ELMOD3: variants seen among roughly 807,000 people sequenced by gnomAD.
ELMOD3 encodes the protein ELMO domain-containing protein 3.
A neutral mutation model predicts 47.4 loss-of-function variants in ELMOD3; 36 were observed. The ratio of observed to expected loss-of-function variants is 0.76; its 90% CI spans 0.58 to 1.00. ELMOD3 has a LOEUF of 1.00. Ranked by LOEUF, ELMOD3 falls within the 50% of genes least tolerant of loss-of-function variation. The probability of loss-of-function intolerance (pLI) is 0.00; values close to 1 mark genes in which losing one functional copy is unlikely to be tolerated. For missense variants in ELMOD3, 404 were observed against 463.8 expected (o/e 0.87, Z 1.18); for synonymous variants, 149 against 183.5 (o/e 0.81, Z 1.52).
intron 3 of ELMOD3, 53 bp from the exon 4 acceptor site, chr2:85,356,914 C>T: frequency 4.2e-6 from 1 of 239,544 alleles, no homozygotes; most frequent in Admixed American, 5.5e-5. Flanking sequence ...AGAGGCATAA[C>T]TGAATGGTGA....
intron 11 of ELMOD3, among the ~76,000 whole-genome samples, chr2:85,379,024 A>G (rs1020874129): frequency 2.0e-5 from 3 of 152,196 alleles, no homozygotes; most frequent in African/African-American, 7.2e-5. Flanking sequence ...AAGTCTATAC[A>G]TCAGTAGGCA....
In ELMOD3 at chr2:85,369,789, G is replaced by A. The variant is rs368160223; in HGVS notation, c.319G>A (p.Ala107Thr). 1.6e-5 allele frequency: 26 copies of A among 1,614,020 alleles called. No homozygotes were observed. The highest frequency in any genetic ancestry group is 2.1e-5 in the Non-Finnish European group (25 of 1,180,008). The change falls in exon 8 of 14, where the codon GCC becomes ACC. Residue 107 changes from alanine (A) to threonine (T), a missense_variant. Ala to Thr is a moderately conservative substitution (Grantham distance 58, BLOSUM62 0). Transcript: ENST00000409013. ...QPGQLISFSE[A>T]LQHFQTVDLS... Reference sequence around the variant, plus strand: ...TGGGCAGCTAATCTCCTTCAGTGAGGCCCTGCAGCACTTCCAGACTGTGGA... The same window carrying A: ...TGGGCAGCTAATCTCCTTCAGTGAGACCCTGCAGCACTTCCAGACTGTGGA...
intron 11 of ELMOD3, among the ~76,000 whole-genome samples, chr2:85,380,299 G>A (rs1685452091): frequency 6.6e-6 from 1 of 152,174 alleles, no homozygotes; most frequent in Non-Finnish European, 1.5e-5. Flanking sequence ...CAAAAGAGAA[G>A]TTTGAAGACT....
At chr2:85,389,290 G>T (rs915570558) in intron 11 of ELMOD3, among the ~76,000 whole-genome samples, 1 of 152,186 alleles carries the variant, frequency 6.6e-6, no homozygotes, top group Admixed American at 6.5e-5. Flanking sequence ...AGGTGCTCAC[G>T]ATCAGCCAGA....
At position 85,390,958 on chromosome 2, in the gene ELMOD3, TC is replaced by T; in HGVS notation, c.1143del (p.Ter382AspfsTer11). ...CACTCATCCGAAGGCGTATGGCTGA[TC>T]TGACCTCCGAGATGAATGGAGGCTT... The part of the protein sequence containing the change: ...QSHSSEGVWL[I>X] On this transcript the variant is annotated frameshift_variant, in exon 14 of 14. Transcript: ENST00000409013. LOFTEE classifies it high-confidence loss of function. The T allele has an allele frequency of 6.5e-7, 1 of 1,548,874 alleles. No individual in the cohort carries two copies. Among genetic ancestry groups the T allele is most frequent in the South Asian group, 1.2e-5 (1 of 83,986 alleles).
rs944134495 is a variant in ELMOD3, at chr2:85,376,821, A to T, written c.608-523A>T. The T allele has an allele frequency of 3.3e-5, 5 of 152,152 alleles. No homozygotes were observed. Among genetic ancestry groups the T allele is most frequent in the African/African-American group, 9.7e-5 (4 of 41,416 alleles). The allele number at this position is 152,152 out of a possible 1,614,324, so 9.4% of individuals were successfully genotyped here. ...GGCTTTTTGGTCTGCTCCCATTGGC[A>T]TTTCTGGGTTGCTGTCTTCTCCATC... is the stretch of plus-strand genomic sequence containing the variant. On this transcript the variant is annotated intron_variant, in intron 10 of 13. Coordinates refer to ENST00000409013, the MANE Select transcript of ELMOD3 (RefSeq NM_001135022.2). This position sits in a 1 kb window ranked among gnomAD's most constrained non-coding sequence, Gnocchi z 4.2.
intron 6 of ELMOD3, among the ~76,000 whole-genome samples, chr2:85,364,273 A>G (rs1684192918): frequency 6.6e-6 from 1 of 151,752 alleles, no homozygotes. Context: ...ACCACCAGGC[A>G]TAGCTAATTT....
rs148943018 is a variant in ELMOD3, at chr2:85,371,537, C to T, written c.582C>T (p.Asn194=). The stretch of plus-strand genomic sequence containing the variant: ...AGTTTGACTGTGCCCTTCATGGAAA[C>T]CACTGGGAGGACCTGGGCTTTCAGG... ...GSKFDCALHG[N]HWEDLGFQGA... Residue 194 remains asparagine (N), a synonymous_variant, in exon 10 of 14, where the codon AAC becomes AAT. Coordinates refer to ENST00000409013, the MANE Select transcript of ELMOD3 (RefSeq NM_001135022.2). 2.0e-5 allele frequency: 33 copies of T among 1,614,072 alleles called. No individual in the cohort carries two copies. The highest frequency in any genetic ancestry group is 2.4e-5 in the Non-Finnish European group (28 of 1,180,040).
At chr2:85,388,727 T>G (rs1019107492) in intron 11 of ELMOD3, among the ~76,000 whole-genome samples, 1 of 152,254 alleles carries the variant, frequency 6.6e-6, no homozygotes, top group Non-Finnish European at 1.5e-5. Flanking sequence ...TACTGAGCAC[T>G]GGAAATGTGG....
rs1684108733 is a variant in ELMOD3 at position 85,363,175 on chromosome 2, C to T, written c.199+9C>T. ...TGAATGGGAGCCACGTGGTAAGGTT[C>T]CCTTCAGGGCCCTTGGAGTCTGGGT... On this transcript the variant is annotated intron_variant, in intron 6 of 13. Coordinates refer to ENST00000409013, the MANE Select transcript of ELMOD3 (RefSeq NM_001135022.2). 6.4e-7 allele frequency: 1 copy of T among 1,566,626 alleles called. No homozygotes were observed. Among genetic ancestry groups the T allele is most frequent in the Non-Finnish European group, 8.8e-7 (1 of 1,137,554 alleles).
At chr2:85,383,548 T>G (rs556018139) in intron 11 of ELMOD3, among the ~76,000 whole-genome samples, 3 of 152,106 alleles carry the variant, frequency 2.0e-5, no homozygotes, top group Non-Finnish European at 2.9e-5. Context: ...GGTCTTGAAC[T>G]CCTTACCTCA....
rs1023285716 is a variant in ELMOD3 at position 85,376,650 on chromosome 2, C to A, written c.608-694C>A. Among the ~76,000 whole-genome samples, 5 of 152,186 alleles carry A rather than the reference C, an allele frequency of 3.3e-5. No individual in the cohort carries two copies. The highest frequency in any genetic ancestry group is 7.4e-5 in the Non-Finnish European group (5 of 68,020). ...AGGATGGAAGTCTAGGGTCCCTGCT[C>A]AGCCTTTTCTGGAGAAGAGTGGGGA... On this transcript the variant is annotated intron_variant, in intron 10 of 13. Transcript: ENST00000409013. This position sits in a 1 kb window ranked among gnomAD's most constrained non-coding sequence, Gnocchi z 4.2.
At chr2:85,389,889 G>A in intron 12 of ELMOD3, 62 bp downstream of exon 12, 1 of 1,494,602 alleles carries the variant, frequency 6.7e-7, no homozygotes, top group Non-Finnish European at 9.3e-7. Flanking sequence ...TCCCCACTCT[G>A]GCTTAATTTT....
chr2:85,358,765 T>C (rs1683736277), intron 4 of ELMOD3, among the ~76,000 whole-genome samples: 1 of 151,580 alleles, frequency 6.6e-6, no homozygotes, highest in Admixed American at 6.6e-5. Flanking sequence ...ATTCACATGG[T>C]TCAAAATGCA....
chr2:85,386,872 G>A (rs555087094), intron 11 of ELMOD3, among the ~76,000 whole-genome samples: 22 of 152,266 alleles, frequency 1.4e-4, no homozygotes, highest in Non-Finnish European at 2.8e-4. Flanking sequence ...GCATGGTGGT[G>A]CATGCCTGTA....
chr2:85,372,335 C>T (rs1684855731), intron 10 of ELMOD3: 1 of 151,692 alleles, frequency 6.6e-6, no homozygotes, highest in South Asian at 2.1e-4. Context: ...GGGAGACTGT[C>T]TCAGAAAAAA....
At chr2:85,390,375 CTT>C (rs764130954) in intron 13 of ELMOD3, 110 bp downstream of exon 13, 2 of 1,614,186 alleles carry the variant, frequency 1.2e-6, no homozygotes, top group East Asian at 2.2e-5. Flanking sequence ...CCCATCCACA[CTT>C]TCTCAAATTC....
intron 11 of ELMOD3, chr2:85,389,421 G>C (rs1040488872): frequency 1.7e-5 from 6 of 351,448 alleles, no homozygotes; most frequent in Non-Finnish European, 3.2e-5. Context: ...CCCAGGGGTT[G>C]GGTCTGCTGC....
chr2:85,369,648 G>A (rs1684645673), intron 7 of ELMOD3, 91 bp from the exon 8 acceptor site: 2 of 1,354,420 alleles, frequency 1.5e-6, no homozygotes, highest in Non-Finnish European at 2.1e-6. Context: ...GCCAGTGCTT[G>A]GCTTGGAAGT....
Sources: allele counts gnomAD v4.1 joint callset (sites outside exome capture counted in the v4.1 genomes callset), GRCh38; gene constraint gnomAD v4.1.1; non-coding constraint Gnocchi (gnomAD v3.1); transcripts MANE v1.5; gene names NCBI Gene and HGNC (gene_info 2026-07-23, HGNC 2026-07-21).